The following KCNJ6 variants were observed in gnomAD, a reference collection of about 807,000 sequenced individuals.
KCNJ6 encodes G protein-activated inward rectifier potassium channel 2.
KCNJ6 carries 9 observed loss-of-function variants against 34.2 expected under a neutral mutation model. That is an observed-to-expected ratio of 0.26 (90% confidence interval 0.16 to 0.46). The LOEUF is 0.46. KCNJ6 is among the 20% of genes least tolerant of loss of function. The pLI is 1.00. For synonymous variants in KCNJ6, 196 were observed against 207.1 expected (o/e 0.95, Z 0.46); for missense variants, 236 against 531.3 (o/e 0.44, Z 5.46).
intron 1 of KCNJ6, among the ~76,000 whole-genome samples, chr21:37,900,195 A>G (rs1424506631): frequency 6.6e-6 from 1 of 152,258 alleles, no homozygotes; most frequent in African/African-American, 2.4e-5. Context: ...TTTATACTAA[A>G]AAGGCATTCT....
At chr21:37,828,848 T>C (rs2055411524) in intron 2 of KCNJ6, among the ~76,000 whole-genome samples, 1 of 152,240 alleles carries the variant, frequency 6.6e-6, no homozygotes, top group Non-Finnish European at 1.5e-5. Flanking sequence ...AGCCATCTAC[T>C]CTGTACCCTC....
chr21:37,720,035 T>G (rs2054816489), intron 2 of KCNJ6, among the ~76,000 whole-genome samples: 1 of 152,118 alleles, frequency 6.6e-6, no homozygotes, highest in South Asian at 2.1e-4. Flanking sequence ...AGATCTCTAA[T>G]GTACCTGCAA....
intron 2 of KCNJ6, among the ~76,000 whole-genome samples, chr21:37,761,026 G>A (rs2123494578): frequency 6.6e-6 from 1 of 152,288 alleles, no homozygotes; most frequent in South Asian, 2.1e-4. Flanking sequence ...TAGGCATCTG[G>A]GTTCCAGGCT....
intron 3 of KCNJ6, among the ~76,000 whole-genome samples, chr21:37,704,038 C>T (rs937503365): frequency 2.0e-5 from 3 of 152,232 alleles, no homozygotes; most frequent in Admixed American, 2.0e-4. Flanking sequence ...AGTCATGACC[C>T]ATCTGTTGTT....
At chr21:37,911,510 T>C (rs1017032306) in intron 1 of KCNJ6, among the ~76,000 whole-genome samples, 1 of 152,212 alleles carries the variant, frequency 6.6e-6, no homozygotes, top group Admixed American at 6.5e-5. Context: ...CCAAATTCAC[T>C]GAATTTAAAC....
chr21:37,765,347 G>A (rs952506293), intron 2 of KCNJ6, among the ~76,000 whole-genome samples: 23 of 152,284 alleles, frequency 1.5e-4, no homozygotes, highest in Middle Eastern at 3.4e-3. Flanking sequence ...TTGTTCTGTC[G>A]ATGATCAAGA....
At chr21:37,857,295 C>T (rs2055570114) in intron 1 of KCNJ6, among the ~76,000 whole-genome samples, 1 of 152,128 alleles carries the variant, frequency 6.6e-6, no homozygotes, top group Non-Finnish European at 1.5e-5. Context: ...GATGCCTAGC[C>T]CCAGAAATCT....
intron 3 of KCNJ6, among the ~76,000 whole-genome samples, chr21:37,630,134 C>CTCTGTGTGTGTGTGTGTGTG (rs145670479): frequency 6.9e-6 from 1 of 144,154 alleles, no homozygotes; most frequent in Non-Finnish European, 1.5e-5. Context: ...GATGACATCT[C>CTCTGTGTGTGTGTGTGTGTG]TGTGTGTGTG....
At chr21:37,761,575 AGT>A (rs944652469) in intron 2 of KCNJ6, among the ~76,000 whole-genome samples, 7 of 125,104 alleles carry the variant, frequency 5.6e-5, no homozygotes, top group African/African-American at 9.6e-5. Context: ...GTGTGTATGT[AGT>A]GTGTGTGTAT....
chr21:37,840,622 A>G, intron 2 of KCNJ6, 36 bp downstream of exon 2: 1 of 1,521,084 alleles, frequency 6.6e-7, no homozygotes, highest in Non-Finnish European at 9.1e-7. Flanking sequence ...TTCCCATTCA[A>G]AACAAAAAAT....
chr21:37,691,858 C>T (rs1209057582), intron 3 of KCNJ6, among the ~76,000 whole-genome samples: 1 of 152,118 alleles, frequency 6.6e-6, no homozygotes. Context: ...GGGACATGAA[C>T]ATATTCATTC....
chr21:37,789,645 G>A (rs772991957), intron 2 of KCNJ6, among the ~76,000 whole-genome samples: 2 of 152,212 alleles, frequency 1.3e-5, no homozygotes, highest in Admixed American at 6.5e-5. Flanking sequence ...GCATAGATGA[G>A]AGAAAGAGTC....
intron 1 of KCNJ6, among the ~76,000 whole-genome samples, chr21:37,905,677 G>A (rs1228165766): frequency 1.3e-5 from 2 of 152,128 alleles, no homozygotes. Flanking sequence ...ATTCTCTTGT[G>A]TAATGCTATG....
chr21:37,698,944 C>G (rs1162609463), intron 3 of KCNJ6, among the ~76,000 whole-genome samples: 1 of 152,142 alleles, frequency 6.6e-6, no homozygotes, highest in Non-Finnish European at 1.5e-5. Context: ...AGCCATCCTC[C>G]TGCCTTGGCC....
chr21:37,842,398 C>G lies in KCNJ6; in HGVS notation c.-27-1689G>C, dbSNP rs144841631. Reference sequence around the variant, plus strand: ...GGATAGAAAGATCATTATTCATCCTCCTTATGACACTGTTCTCAAACTGGA... The same window carrying G: ...GGATAGAAAGATCATTATTCATCCTGCTTATGACACTGTTCTCAAACTGGA... On this transcript the variant is annotated intron_variant, in intron 1 of 3. Transcript: ENST00000609713. Among the ~76,000 whole-genome samples, 688 of 152,314 alleles carry G rather than the reference C, an allele frequency of 4.5e-3. 3 individuals are homozygous for G. Among genetic ancestry groups the G allele is most frequent in the Non-Finnish European group, 7.8e-3 (533 of 68,028 alleles).
chr21:37,731,280 G>A (rs759752316), intron 2 of KCNJ6, among the ~76,000 whole-genome samples: 1 of 152,178 alleles, frequency 6.6e-6, no homozygotes, highest in Non-Finnish European at 1.5e-5. Context: ...TTTGGGATAT[G>A]GGTCAACACT....
intron 1 of KCNJ6, among the ~76,000 whole-genome samples, chr21:37,847,490 A>G (rs951831904): frequency 6.6e-6 from 1 of 152,244 alleles, no homozygotes; most frequent in Non-Finnish European, 1.5e-5. Context: ...CAGCAGTGAG[A>G]ATCCAGGTCT....
intron 2 of KCNJ6, among the ~76,000 whole-genome samples, chr21:37,808,927 C>A (rs2055307220): frequency 2.0e-5 from 3 of 152,220 alleles, no homozygotes; most frequent in Admixed American, 2.0e-4. Flanking sequence ...GTTGGTGGGA[C>A]TGTAAACTAG....
At chr21:37,768,604 T>C (rs1043379118) in intron 2 of KCNJ6, among the ~76,000 whole-genome samples, 1 of 152,242 alleles carries the variant, frequency 6.6e-6, no homozygotes, top group African/African-American at 2.4e-5. Flanking sequence ...GAACAGATCT[T>C]TACCATGTAC....
Sources: gnomAD v4.1 joint callset for allele counts (sites outside exome capture counted in the v4.1 genomes callset) on GRCh38, gnomAD v4.1.1 for gene constraint, MANE v1.5 for transcripts, NCBI Gene and HGNC (gene_info 2026-07-23, HGNC 2026-07-21) for gene names.